FASN: variants seen among roughly 807,000 people sequenced by gnomAD.
The protein encoded by FASN is 3-hydroxyacyl-[acyl-carrier-protein] dehydratase.
Under a neutral mutation model 250.0 loss-of-function variants are expected in FASN, and 50 were observed. The ratio of observed to expected loss-of-function variants is 0.20; its 90% CI spans 0.16 to 0.25. The LOEUF is 0.25. Ranked by LOEUF, FASN falls within the 10% of genes least tolerant of loss-of-function variation. The pLI is 1.00. For missense variants in FASN, 3,031 were observed against 3,498.5 expected, an observed-to-expected ratio of 0.87 and a Z score of 3.37; for synonymous variants, 1,909 against 1,584.0, an observed-to-expected ratio of 1.21 and a Z score of -4.87.
At position 82,084,586 on chromosome 17, in the gene FASN, C is replaced by G; in HGVS notation, c.4695G>C (p.Thr1565=). 3 of 1,610,926 alleles carry G rather than the reference C, an allele frequency of 1.9e-6. No homozygotes were observed. The highest frequency in any genetic ancestry group is 2.5e-6 in the Non-Finnish European group (3 of 1,179,270). The stretch of plus-strand genomic sequence containing the variant: ...GGAAGTTGAGGGAGGCGTAGTAGAC[C>G]GTGCAGAGCTGGGCGCCAGGGCAGG... The part of the protein sequence containing the change: ...QPTCPGAQLC[T]VYYASLNFRD... Residue 1565 remains threonine, a synonymous_variant, in exon 27 of 43, where the codon ACG becomes ACC. Coordinates refer to ENST00000306749, the MANE Select transcript of FASN (RefSeq NM_004104.5).
chr17:82,083,485 G>C (rs375832736), intron 31 of FASN, 32 bp downstream of exon 31: 12 of 1,612,580 alleles, frequency 7.4e-6, no homozygotes, highest in Admixed American at 1.7e-5. Flanking sequence ...ACCCATCCAT[G>C]CCCACCCCCG....
In FASN at chr17:82,093,228, C is replaced by G; in HGVS notation, c.646G>C (p.Asp216His). The G allele has an allele frequency of 6.3e-7, 1 of 1,582,272 alleles. No homozygotes were observed. ...GCAGCCGCACACTCACCCGCTGTGTCGAAGGCCTTGCAGGTGCCCTCGGGG... is the reference window on the plus strand; with the variant it reads ...GCAGCCGCACACTCACCCGCTGTGTGGAAGGCCTTGCAGGTGCCCTCGGGG... ...LSPEGTCKAFDTAGNGYCRSE... is the reference protein window; with the variant it reads ...LSPEGTCKAFHTAGNGYCRSE... Residue 216 changes from aspartate to histidine, a missense_variant, in exon 5 of 43, where the codon GAC becomes CAC. By Grantham distance (81) the Asp-to-His change is moderately conservative. Coordinates refer to ENST00000306749, the MANE Select transcript of FASN (RefSeq NM_004104.5).
At chr17:82,082,231 C>T (rs896741551) in intron 35 of FASN, 71 bp from the exon 36 acceptor site, 34 of 1,601,882 alleles carry the variant, frequency 2.1e-5, no homozygotes, top group East Asian at 6.7e-5. Flanking sequence ...CCCCAGGAAA[C>T]GCCAGAGAGG....
At chr17:82,096,645 G>C (rs1246996498) in intron 1 of FASN, 193 bp from the exon 2 acceptor site, 2 of 761,764 alleles carry the variant, frequency 2.6e-6, no homozygotes, top group Admixed American at 4.4e-5. Flanking sequence ...GCTGGGAGGG[G>C]CTGCGTGCTC....
At position 82,088,796 on chromosome 17, in the gene FASN, G is replaced by A. The variant is rs1280640084; in HGVS notation, c.2385C>T (p.Phe795=). 1.9e-6 allele frequency: 3 copies of A among 1,612,420 alleles called. No homozygotes were observed. Among genetic ancestry groups the A allele is most frequent in the African/African-American group, 1.3e-5 (1 of 74,910 alleles). ...MKKDHRDNLE[F]FLAGIGRLHL... is the part of the protein sequence containing the mutation. ...GCAGCCTGCCGATGCCGGCCAGGAAGAACTCCAGGTTGTCCCTGTGATCCT... is the reference window on the plus strand; with the variant it reads ...GCAGCCTGCCGATGCCGGCCAGGAAAAACTCCAGGTTGTCCCTGTGATCCT... The change falls in exon 15 of 43, where the codon TTC becomes TTT. Residue 795 remains phenylalanine, a synonymous_variant. Transcript: ENST00000306749.
Position 82,082,892 on chromosome 17 carries a change from ACAAGCACCC to A in FASN, c.5767+13_5767+21del. 6.2e-7 allele frequency: 1 copy of A among 1,612,044 alleles called. No homozygotes were observed. The highest frequency in any genetic ancestry group is 2.2e-5 in the East Asian group (1 of 44,836). Reference sequence around the variant, plus strand: ...GGCTGTGCCTGGCCCAGGCTGGTCCACAAGCACCCCTGCCGACTCACCTGTCCGGATCCC... The same window carrying A: ...GGCTGTGCCTGGCCCAGGCTGGTCCACTGCCGACTCACCTGTCCGGATCCC... On this transcript the variant is annotated intron_variant, in intron 33 of 42. Coordinates refer to ENST00000306749, the MANE Select transcript of FASN (RefSeq NM_004104.5).
Position 82,087,313 on chromosome 17 carries a change from G to T in FASN, c.3223+12C>A, listed in dbSNP as rs1288700824. On this transcript the variant is annotated intron_variant, in intron 20 of 42. Transcript: ENST00000306749. ...GGGTGGGGGCACTGGGCTGGGGCTG[G>T]GGCGGGGCTACCTTGGGCCTTGTCC... is the stretch of plus-strand genomic sequence containing the variant. 3 of 1,610,078 alleles carry T rather than the reference G, an allele frequency of 1.9e-6. No homozygotes were observed. The Admixed American group carries it at 5.0e-5, about 27-fold the overall frequency.
rs1157188731 is a variant in FASN at position 82,078,699 on chromosome 17, G to A, written c.*444C>T. 2 of 249,488 alleles carry A rather than the reference G, an allele frequency of 8.0e-6. No individual in the cohort carries two copies. Among genetic ancestry groups the A allele is most frequent in the East Asian group, 1.1e-4 (1 of 9,184 alleles). The allele number at this position is 249,488 out of a possible 1,614,324, so 15.5% of individuals were successfully genotyped here. A position where few individuals can be genotyped will look rare whatever the true frequency, so the allele number is the denominator to read the frequency against. ...GGGGCCGCAGCCAGCAGGCTTGGGT[G>A]GCTGCCCGCGCCCGCAGGGGACATC... On this transcript the variant is annotated 3_prime_UTR_variant, in exon 43 of 43. Transcript: ENST00000306749. The surrounding 1 kb of genome is among the most constrained non-coding windows in gnomAD (Gnocchi z 5.4).
In FASN at chr17:82,083,521, C is replaced by A; in HGVS notation, c.5337G>T (p.Pro1779=). The A allele has an allele frequency of 1.9e-6, 3 of 1,612,620 alleles. No individual in the cohort carries two copies. Among genetic ancestry groups the A allele is most frequent in the South Asian group, 2.2e-5 (2 of 91,076 alleles). Residue 1779 remains proline (P), a synonymous_variant, in exon 31 of 43, where the codon CCG becomes CCT. Coordinates refer to ENST00000306749, the MANE Select transcript of FASN (RefSeq NM_004104.5). ...IGKFDLSQNH[P]LGMAIFLKNV... ...CCCAGGCGCTGCCGGCCTCACCGAG[C>A]GGGTGGTTCTGAGAAAGGTCGAATT...
In FASN at chr17:82,089,344, C is replaced by T. The variant is rs1454353846; in HGVS notation, c.2006G>A (p.Gly669Asp). The T allele has an allele frequency of 5.0e-6, 8 of 1,612,852 alleles. No individual in the cohort carries two copies. In the East Asian group the frequency reaches 6.7e-5, roughly 13 times the overall value. ...FEFVEQLRKE[G>D]VFAKEVRTGG... ...GGTCCGCACCTCCTTGGCAAACACA[C>T]CCTCCTTCCTCAGCTGCTCCACGAA... Residue 669 changes from glycine to aspartate, a missense_variant, in exon 13 of 43, where the codon GGT becomes GAT. Transcript: ENST00000306749.
At position 82,093,329 on chromosome 17, in the gene FASN, G is replaced by A; in HGVS notation, c.545C>T (p.Ala182Val). ...GACATTGATGCCCCCCACGATGGCG[G>A]CAGGGCACTGCCCGCTGTGGATGGC... ...YQAIHSGQCPAAIVGGINVLL... is the reference protein window; with the variant it reads ...YQAIHSGQCPVAIVGGINVLL... Residue 182 changes from alanine (A) to valine (V), a missense_variant, in exon 5 of 43, where the codon GCC (alanine) becomes GTC (valine). Physicochemically the swap from Ala to Val is moderately conservative, Grantham distance 64 (BLOSUM62 0). Coordinates refer to ENST00000306749, the MANE Select transcript of FASN (RefSeq NM_004104.5). The A allele has an allele frequency of 6.2e-7, 1 of 1,601,368 alleles. No individual in the cohort carries two copies. Among genetic ancestry groups the A allele is most frequent in the South Asian group, 1.1e-5 (1 of 88,768 alleles).
rs377761744 is a variant in FASN at position 82,084,332 on chromosome 17, G to A, written c.4821C>T (p.Asp1607=). 24 of 1,609,352 alleles carry A rather than the reference G, an allele frequency of 1.5e-5. No individual in the cohort carries two copies. The highest frequency in any genetic ancestry group is 4.5e-5 in the East Asian group (2 of 44,682). ...GTCCCATCACACGCTTGCCGCTGGC[G>A]TCTCGGCCCGAGAACTCCATACCTA... is the stretch of plus-strand genomic sequence containing the variant. ...SLLGMEFSGR[D]ASGKRVMGLV... Residue 1607 remains aspartate, a synonymous_variant, in exon 28 of 43, where the codon GAC becomes GAT. Transcript: ENST00000306749.
chr17:82,089,163 C>G lies in FASN; in HGVS notation c.2110G>C (p.Glu704Gln). 6.3e-7 allele frequency: 1 copy of G among 1,577,348 alleles called. No individual in the cohort carries two copies. ...LLQELKKVIR[E>Q]PKPRSARWLS... The stretch of plus-strand genomic sequence containing the variant: ...CAGCGGGCTGAACGTGGCTTCGGCT[C>G]CCGGATCACCTGCATGAGGGGCCAG... The change falls in exon 14 of 43, where the codon GAG (glutamate) becomes CAG (glutamine). Residue 704 changes from glutamate (E) to glutamine (Q), a missense_variant. Physicochemically the swap from Glu to Gln is conservative, Grantham distance 29. Coordinates refer to ENST00000306749, the MANE Select transcript of FASN (RefSeq NM_004104.5).
At chr17:82,080,062 C>A in intron 41 of FASN, 78 bp downstream of exon 41, 2 of 1,455,370 alleles carry the variant, frequency 1.4e-6, no homozygotes, top group South Asian at 1.1e-5. Context: ...CTTCGCGTCC[C>A]ATCCCATCCT....
intron 41 of FASN, 143 bp downstream of exon 41, chr17:82,079,997 C>A: frequency 1.1e-6 from 1 of 928,020 alleles, no homozygotes; most frequent in South Asian, 1.4e-5. Context: ...CATGAGCAAC[C>A]GCATCCGGCC....
At position 82,084,045 on chromosome 17, in the gene FASN, G is replaced by T. The variant is rs530589075; in HGVS notation, c.5028C>A (p.Gly1676=). ...TGGCGGCCTGGCCCACGCCGCCCGA[G>T]CCCGAGTGGATGAGCAGCGTCTCCC... The part of the protein sequence containing the change: ...RPGETLLIHS[G]SGGVGQAAIA... The change falls in exon 29 of 43, where the codon GGC becomes GGA. Residue 1676 remains glycine, a synonymous_variant. Coordinates refer to ENST00000306749, the MANE Select transcript of FASN (RefSeq NM_004104.5). The T allele has an allele frequency of 2.6e-6, 4 of 1,544,214 alleles. No homozygotes were observed. Among genetic ancestry groups the T allele is most frequent in the African/African-American group, 1.4e-5 (1 of 73,150 alleles).
intron 1 of FASN, chr17:82,097,423 C>G (rs925897727): frequency 6.6e-6 from 1 of 152,302 alleles, no homozygotes; most frequent in East Asian, 1.9e-4. Context: ...GGGCCTGATA[C>G]GCGCGCCGCC....
Position 82,088,301 on chromosome 17 carries a change from C to A in FASN, c.2600G>T (p.Ser867Ile). 6.2e-7 allele frequency: 1 copy of A among 1,606,988 alleles called. No homozygotes were observed. Among genetic ancestry groups the A allele is most frequent in the Non-Finnish European group, 8.5e-7 (1 of 1,179,932 alleles). The stretch of plus-strand genomic sequence containing the variant: ...CAGGTAGTGGTCAGGAGACTCGGAG[C>A]TGGTGTCTGCGGGAGGGCACAGGCC... ...PSAAIYNIDT[S>I]SESPDHYLVD... The change falls in exon 17 of 43, where the codon AGC (serine) becomes ATC (isoleucine). Residue 867 changes from serine (S) to isoleucine (I), a missense_variant. Coordinates refer to ENST00000306749, the MANE Select transcript of FASN (RefSeq NM_004104.5).
Position 82,092,478 on chromosome 17 carries a change from A to C in FASN, c.1006T>G (p.Ser336Ala). The change falls in exon 8 of 43, where the codon TCG (serine) becomes GCG (alanine). Residue 336 changes from serine to alanine, a missense_variant. Coordinates refer to ENST00000306749, the MANE Select transcript of FASN (RefSeq NM_004104.5). ...KSNMGHPEPA[S>A]GLAALAKVLL... Reference sequence around the variant, plus strand: ...ACCTTGGCCAGGGCTGCCAGCCCCGAGGCTGGCTCCGGGTGCCCCATGTTG... The same window carrying C: ...ACCTTGGCCAGGGCTGCCAGCCCCGCGGCTGGCTCCGGGTGCCCCATGTTG... 6.3e-7 allele frequency: 1 copy of C among 1,586,718 alleles called. No individual in the cohort carries two copies. Among genetic ancestry groups the C allele is most frequent in the Non-Finnish European group, 8.6e-7 (1 of 1,169,308 alleles).
Sources: gnomAD v4.1 joint callset for allele counts on GRCh38, gnomAD v4.1.1 for gene constraint, Gnocchi (gnomAD v3.1) non-coding constraint, MANE v1.5 for transcripts, NCBI Gene and HGNC (gene_info 2026-07-23, HGNC 2026-07-21) for gene names.